The following TAF8 variants were observed in gnomAD, a reference collection of about 807,000 sequenced individuals.
The protein encoded by TAF8 is transcription initiation factor TFIID subunit 8.
In TAF8, 47 loss-of-function variants were observed where a neutral mutation model predicts 36.5. The observed-to-expected ratio is 1.29, with a 90% CI of 1.02 to 1.64. The LOEUF (loss-of-function observed/expected upper bound fraction) is 1.64. Among genes scored for constraint, TAF8 ranks in the 40% most tolerant of loss-of-function variants. TAF8 has a pLI of 0.00. For missense variants in TAF8, 420 were observed against 407.6 expected, an observed-to-expected ratio of 1.03 and a Z score of -0.26; for synonymous variants, 175 against 159.5, an observed-to-expected ratio of 1.10 and a Z score of -0.73.
At chr6:42,072,455 T>C (rs1455136139) in intron 7 of TAF8, among the ~76,000 whole-genome samples, 2 of 152,228 alleles carry the variant, frequency 1.3e-5, no homozygotes, top group Admixed American at 6.5e-5. Context: ...CAGCCTCTTA[T>C]GTAGCCTTCT....
intron 5 of TAF8, among the ~76,000 whole-genome samples, chr6:42,062,657 C>G (rs1765228834): frequency 6.6e-6 from 1 of 150,750 alleles, no homozygotes; most frequent in Non-Finnish European, 1.5e-5. Flanking sequence ...CCTGCCTCAG[C>G]CTCCCAAGTG....
chr6:42,055,928 G>T, intron 3 of TAF8, 24 bp from the exon 4 acceptor site: 2 of 1,553,228 alleles, frequency 1.3e-6, no homozygotes, highest in South Asian at 2.2e-5. Flanking sequence ...TCTGGGCAGT[G>T]ATTTTTGTTT....
Position 42,068,844 on chromosome 6 carries a change from A to G in TAF8, c.780+237A>G, listed in dbSNP as rs79897147. On this transcript the variant is annotated intron_variant, in intron 7 of 8. Coordinates refer to ENST00000372977, the MANE Select transcript of TAF8 (RefSeq NM_138572.3). Reference sequence around the variant, plus strand: ...CAAATACAGTTCCAGGTGCTGGGATATTAGTAGGAAGCCAAATAAACAAAA... The same window carrying G: ...CAAATACAGTTCCAGGTGCTGGGATGTTAGTAGGAAGCCAAATAAACAAAA... 2.6e-3 allele frequency among the ~76,000 whole-genome samples: 398 copies of G among 152,302 alleles called. 1 individual carries two copies. The highest frequency in any genetic ancestry group is 4.6e-3 in the Non-Finnish European group (315 of 68,036).
intron 7 of TAF8, chr6:42,071,262 T>A (rs1582238802): frequency 5.3e-6 from 1 of 188,092 alleles, no homozygotes; most frequent in Non-Finnish European, 1.1e-5. Context: ...GCTAGTGGAA[T>A]ATGCCTGTGT....
chr6:42,059,413 A>T (rs1366621823), intron 5 of TAF8, among the ~76,000 whole-genome samples: 3 of 150,426 alleles, frequency 2.0e-5, no homozygotes, highest in African/African-American at 7.3e-5. Context: ...AATCATAGGG[A>T]CTCAGAGCTG....
In TAF8 at chr6:42,077,791, T is replaced by C. The variant is rs1348615130; in HGVS notation, c.*246T>C. Reference sequence around the variant, plus strand: ...TTTATTTTGAGATGGAGTCTTACTCTATCACCCAGGCTGGAATGCAGTGGT... The same window carrying C: ...TTTATTTTGAGATGGAGTCTTACTCCATCACCCAGGCTGGAATGCAGTGGT... On this transcript the variant is annotated 3_prime_UTR_variant, in exon 9 of 9. Transcript: ENST00000372977. The C allele has an allele frequency of 9.2e-6, 12 of 1,307,570 alleles. No individual in the cohort carries two copies. The highest frequency in any genetic ancestry group is 1.2e-5 in the Non-Finnish European group (12 of 1,010,506). The allele number at this position is 1,307,570 out of a possible 1,614,324, so 81.0% of individuals were successfully genotyped here. A position where few individuals can be genotyped will look rare whatever the true frequency, so the allele number is the denominator to read the frequency against.
At chr6:42,062,160 G>A (rs368631855) in intron 5 of TAF8, among the ~76,000 whole-genome samples, 1 of 151,984 alleles carries the variant, frequency 6.6e-6, no homozygotes, top group African/African-American at 2.4e-5. Flanking sequence ...TTTCATATTT[G>A]TACTAGCGCA....
At chr6:42,083,618 CAAGT>C (rs1765980022), downstream of TAF8, among the ~76,000 whole-genome samples, 4 of 152,198 alleles carry the variant, frequency 2.6e-5, no homozygotes, top group South Asian at 6.2e-4. Flanking sequence ...TTTTAACAAA[CAAGT>C]GTGTGTGTAT....
At chr6:42,054,271 G>C (rs553968140) in intron 2 of TAF8, among the ~76,000 whole-genome samples, 1 of 152,266 alleles carries the variant, frequency 6.6e-6, no homozygotes, top group South Asian at 2.1e-4. Context: ...GCTTCAGGCA[G>C]AAGAAAGAAA....
downstream of TAF8, among the ~76,000 whole-genome samples, chr6:42,086,465 C>T (rs1038182320): frequency 2.6e-5 from 4 of 152,192 alleles, no homozygotes; most frequent in African/African-American, 7.2e-5. Context: ...TCTCCTGTGC[C>T]GGGAGCACCG....
chr6:42,084,582 C>A (rs1217057072), downstream of TAF8, among the ~76,000 whole-genome samples: 1 of 151,754 alleles, frequency 6.6e-6, no homozygotes, highest in African/African-American at 2.4e-5. Context: ...CCTGCCTCAG[C>A]CTCCCGAGTA....
chr6:42,069,088 T>C (rs1344898500), intron 7 of TAF8, among the ~76,000 whole-genome samples: 1 of 152,036 alleles, frequency 6.6e-6, no homozygotes, highest in Non-Finnish European at 1.5e-5. Flanking sequence ...CCCTGTTGTA[T>C]TGAAGAACAG....
intron 8 of TAF8, 62 bp downstream of exon 8, chr6:42,077,301 T>TC: frequency 6.4e-7 from 1 of 1,566,550 alleles, no homozygotes; most frequent in Non-Finnish European, 8.7e-7. Context: ...CTTCTCTGCT[T>TC]CTTGGAAGAG....
At chr6:42,060,980 A>G (rs1305543658) in intron 5 of TAF8, among the ~76,000 whole-genome samples, 2 of 152,238 alleles carry the variant, frequency 1.3e-5, no homozygotes, top group Admixed American at 1.3e-4. Context: ...CTTGACTCTG[A>G]AAACAAAAGG....
Position 42,068,611 on chromosome 6 carries a change from G to T in TAF8, c.780+4G>T. 3 of 1,612,088 alleles carry T rather than the reference G, an allele frequency of 1.9e-6. No homozygotes were observed. Among genetic ancestry groups the T allele is most frequent in the Non-Finnish European group, 1.7e-6 (2 of 1,179,936 alleles). ...CCTTGCTCTTCATATCAGCATGGTG[G>T]GTTCCACCTTCTGCCTACCTCAGAG... On this transcript the variant is annotated splice_donor_region_variant and intron_variant, in intron 7 of 8. Coordinates refer to ENST00000372977, the MANE Select transcript of TAF8 (RefSeq NM_138572.3).
Position 42,079,182 on chromosome 6 carries a change from G to T in TAF8, c.*1637G>T, listed in dbSNP as rs573972946. On this transcript the variant is annotated 3_prime_UTR_variant, in exon 9 of 9. Transcript: ENST00000372977. ...AAGGATTTGGTGGGGTGAGGGTGGGGTGTTGAGGGCTGGGCCTCATCTTGT... is the reference window on the plus strand; with the variant it reads ...AAGGATTTGGTGGGGTGAGGGTGGGTTGTTGAGGGCTGGGCCTCATCTTGT... The T allele has an allele frequency of 4.1e-6, 4 of 985,454 alleles. No individual in the cohort carries two copies. The highest frequency in any genetic ancestry group is 4.7e-5 in the South Asian group (1 of 21,282). The allele number at this position is 985,454 out of a possible 1,614,324, so 61.0% of individuals were successfully genotyped here. A position where few individuals can be genotyped will look rare whatever the true frequency, so the allele number is the denominator to read the frequency against.
Position 42,066,399 on chromosome 6 carries a change from T to C in TAF8, c.577T>C (p.Phe193Leu). 1 of 1,614,218 alleles carries C rather than the reference T, an allele frequency of 6.2e-7. No homozygotes were observed. Among genetic ancestry groups the C allele is most frequent in the Non-Finnish European group, 8.5e-7 (1 of 1,180,036 alleles). ...CGATGTGGAGCGGGCACTTACCCGT[T>C]TCATGGCCAAGACAGGCGAGACTCA... ...RRDVERALTR[F>L]MAKTGETQSL... The change falls in exon 6 of 9, where the codon TTC becomes CTC. Residue 193 changes from phenylalanine to leucine, a missense_variant. Coordinates refer to ENST00000372977, the MANE Select transcript of TAF8 (RefSeq NM_138572.3).
chr6:42,065,950 G>A (rs185819580), intron 5 of TAF8, among the ~76,000 whole-genome samples: 1 of 152,038 alleles, frequency 6.6e-6, no homozygotes, highest in Non-Finnish European at 1.5e-5. Context: ...GCACAGGCTG[G>A]AGTGCAATGA....
At chr6:42,075,803 A>G (rs759766944) in intron 7 of TAF8, among the ~76,000 whole-genome samples, 20 of 152,208 alleles carry the variant, frequency 1.3e-4, no homozygotes, top group Non-Finnish European at 2.5e-4. Flanking sequence ...ATGTCAGCAT[A>G]TTACCTTTTT....
Sources: allele counts gnomAD v4.1 joint callset (sites outside exome capture counted in the v4.1 genomes callset), GRCh38; gene constraint gnomAD v4.1.1; transcripts MANE v1.5; gene names NCBI Gene and HGNC (gene_info 2026-07-23, HGNC 2026-07-21).